NRXN3: variants seen among roughly 807,000 people sequenced by gnomAD.
NRXN3 encodes neurexin 3, also known as neurexin III.
In NRXN3, 32 loss-of-function variants were observed where a neutral mutation model predicts 137.6. The ratio of observed to expected loss-of-function variants is 0.23; its 90% CI spans 0.18 to 0.31. The LOEUF is 0.31. NRXN3 is among the 10% of genes least tolerant of loss of function. The probability of loss-of-function intolerance (pLI) is 1.00; values close to 1 mark genes in which losing one functional copy is unlikely to be tolerated. For missense variants in NRXN3, 1,574 were observed against 2,062.5 expected (o/e 0.76, Z 4.59); for synonymous variants, 798 against 784.5 (o/e 1.02, Z -0.29).
intron 15 of NRXN3, among the ~76,000 whole-genome samples, chr14:79,134,619 G>A (rs999639140): frequency 2.6e-5 from 4 of 152,152 alleles, no homozygotes; most frequent in Non-Finnish European, 4.4e-5. Context: ...AATCAGCAGC[G>A]ACTTGAACTC....
chr14:78,445,968 G>C (rs117315835), intron 4 of NRXN3, among the ~76,000 whole-genome samples: 1,526 of 152,200 alleles, frequency 0.01, 4 homozygotes, highest in Non-Finnish European at 0.017. Flanking sequence ...AAGCTTCCCG[G>C]CAAAGTGTGA....
intron 10 of NRXN3, among the ~76,000 whole-genome samples, chr14:78,953,239 T>C (rs1447474493): frequency 1.3e-5 from 2 of 152,226 alleles, no homozygotes; most frequent in Admixed American, 6.5e-5. Context: ...AAAAATCTGA[T>C]AATAGCTGAG....
At chr14:79,135,305 C>T (rs910911093) in intron 15 of NRXN3, among the ~76,000 whole-genome samples, 1 of 152,148 alleles carries the variant, frequency 6.6e-6, no homozygotes, top group African/African-American at 2.4e-5. Context: ...GTCATAGAAC[C>T]TCTCCCTTTC....
In NRXN3 at chr14:79,681,543, T is replaced by C. The variant is rs572716558; in HGVS notation, c.3617-10630T>C. On this transcript the variant is annotated intron_variant, in intron 17 of 20. Coordinates refer to ENST00000335750, the MANE Select transcript of NRXN3 (RefSeq NM_001330195.2). ...GAAGTTCACATGGCAATCTCAGGTG[T>C]AGGCAGCAGGCAAGGGCAAGCATTC... Among the ~76,000 whole-genome samples the C allele has an allele frequency of 2.0e-5, 3 of 152,138 alleles. No homozygotes were observed. In the South Asian group the frequency reaches 6.2e-4, roughly 32 times the overall value.
intron 15 of NRXN3, among the ~76,000 whole-genome samples, chr14:79,200,612 A>T (rs1156784194): frequency 6.6e-6 from 1 of 152,154 alleles, no homozygotes; most frequent in East Asian, 1.9e-4. Context: ...CTGGGAAGGA[A>T]TGAGTTAGGT....
chr14:78,742,899 A>G (rs1340816083), intron 8 of NRXN3, among the ~76,000 whole-genome samples: 1 of 152,210 alleles, frequency 6.6e-6, no homozygotes, highest in African/African-American at 2.4e-5. Flanking sequence ...TAAACAGCTT[A>G]GTTAAATAAA....
intron 19 of NRXN3, among the ~76,000 whole-genome samples, chr14:79,749,591 T>C (rs1201704624): frequency 6.6e-6 from 1 of 152,030 alleles, no homozygotes; most frequent in African/African-American, 2.4e-5. Context: ...GCTATTCCCT[T>C]GCCTGAAACA....
chr14:79,122,595 G>A (rs2152926303), intron 15 of NRXN3, among the ~76,000 whole-genome samples: 1 of 152,314 alleles, frequency 6.6e-6, no homozygotes, highest in East Asian at 1.9e-4. Context: ...AAGATATTCA[G>A]ACCCAGTATT....
chr14:78,998,357 T>C (rs1338983875), intron 15 of NRXN3, among the ~76,000 whole-genome samples: 1 of 152,176 alleles, frequency 6.6e-6, no homozygotes, highest in East Asian at 1.9e-4. Flanking sequence ...CTAAGGGTTT[T>C]CTGAGGCTTT....
At chr14:79,551,452 C>T (rs969877977) in intron 16 of NRXN3, among the ~76,000 whole-genome samples, 7 of 152,294 alleles carry the variant, frequency 4.6e-5, no homozygotes, top group South Asian at 2.1e-4. Flanking sequence ...GTGGAAAATA[C>T]GGCTTTAATG....
Position 78,957,350 on chromosome 14 carries a change from A to T in NRXN3, c.2384A>T (p.Asp795Val), listed in dbSNP as rs755495070. 8.7e-6 allele frequency: 14 copies of T among 1,613,894 alleles called. No individual in the cohort carries two copies. The highest frequency in any genetic ancestry group is 1.1e-5 in the Non-Finnish European group (13 of 1,179,980). The change falls in exon 11 of 21, where the codon GAT becomes GTT. Residue 795 changes from aspartate to valine, a missense_variant. This residue lies in a region of NRXN3 where 718 missense variants were observed against 887.6 expected (regional missense o/e 0.81). Transcript: ENST00000335750. ...AGCCTTAAGTTAACCGTGGATGATG[A>T]TGTGGCTGAGGGTGAGTATGACTAT... is the stretch of plus-strand genomic sequence containing the variant. Reference protein sequence around the residue: ...GKSLKLTVDDDVAEGTMVGDH... With the variant: ...GKSLKLTVDDVVAEGTMVGDH...
At chr14:79,047,152 A>G (rs2099634283) in intron 15 of NRXN3, among the ~76,000 whole-genome samples, 1 of 151,620 alleles carries the variant, frequency 6.6e-6, no homozygotes. Context: ...CCGAAAAAAA[A>G]AAAAAACACA....
chr14:78,335,880 C>A (rs1415259737), intron 4 of NRXN3, among the ~76,000 whole-genome samples: 1 of 152,158 alleles, frequency 6.6e-6, no homozygotes, highest in African/African-American at 2.4e-5. Flanking sequence ...AAGCCTGAGT[C>A]TAGAGAGAGC....
At chr14:78,868,662 A>G (rs2099093515) in intron 10 of NRXN3, among the ~76,000 whole-genome samples, 1 of 152,008 alleles carries the variant, frequency 6.6e-6, no homozygotes, top group African/African-American at 2.4e-5. Flanking sequence ...TCTACTAAAA[A>G]TACAAAAAAT....
At chr14:79,380,946 A>C (rs1452404394) in intron 15 of NRXN3, among the ~76,000 whole-genome samples, 1 of 152,052 alleles carries the variant, frequency 6.6e-6, no homozygotes, top group East Asian at 1.9e-4. Flanking sequence ...TGAGGCTGGA[A>C]GTGTGGGGAG....
intron 4 of NRXN3, among the ~76,000 whole-genome samples, chr14:78,583,356 C>T (rs116665155): frequency 0.026 from 3,902 of 150,508 alleles, 59 homozygotes; most frequent in African/African-American, 0.032. Flanking sequence ...TTTTATATTT[C>T]TGTAACTTTA....
chr14:78,714,670 G>A, intron 7 of NRXN3, 86 bp from the exon 8 acceptor site: 1 of 1,464,106 alleles, frequency 6.8e-7, no homozygotes, highest in East Asian at 2.3e-5. Flanking sequence ...GCCAGCCAAT[G>A]GCTGGGCTCA....
At chr14:78,700,230 A>G (rs1301653629) in intron 6 of NRXN3, among the ~76,000 whole-genome samples, 5 of 152,188 alleles carry the variant, frequency 3.3e-5, no homozygotes, top group African/African-American at 1.2e-4. Context: ...TGTTTCTAAT[A>G]TTCTAATATA....
intron 2 of NRXN3, among the ~76,000 whole-genome samples, chr14:78,265,445 G>A (rs765959919): frequency 1.3e-5 from 2 of 152,008 alleles, no homozygotes; most frequent in African/African-American, 2.4e-5. Context: ...CATTTGTATG[G>A]CATTTTATAT....
Sources: allele counts gnomAD v4.1 joint callset (sites outside exome capture counted in the v4.1 genomes callset), GRCh38; gene constraint gnomAD v4.1.1; regional missense constraint gnomAD v4.1.1; transcripts MANE v1.5; gene names NCBI Gene and HGNC (gene_info 2026-07-23, HGNC 2026-07-21).